Variants in KATNA1 observed in about 807,000 individuals in gnomAD.
KATNA1 encodes katanin p60 ATPase-containing subunit A1.
A neutral mutation model predicts 62.6 loss-of-function variants in KATNA1; 42 were observed. That is an observed-to-expected ratio of 0.67 (90% CI 0.52 to 0.87). KATNA1 has a LOEUF of 0.87. KATNA1 is among the 40% of genes least tolerant of loss of function. KATNA1 has a pLI of 0.00. For missense variants in KATNA1, 498 were observed against 612.5 expected (o/e 0.81, Z 1.97); for synonymous variants, 186 against 201.9 (o/e 0.92, Z 0.67).
intron 10 of KATNA1, among the ~76,000 whole-genome samples, chr6:149,595,820 T>C (rs1418357947): frequency 6.6e-6 from 1 of 152,222 alleles, no homozygotes; most frequent in Non-Finnish European, 1.5e-5. Flanking sequence ...ATGCTCACTT[T>C]AGAAAGGAGG....
At chr6:149,596,664 C>T (rs1778325896) in intron 10 of KATNA1, among the ~76,000 whole-genome samples, 1 of 152,048 alleles carries the variant, frequency 6.6e-6, no homozygotes, top group Non-Finnish European at 1.5e-5. Flanking sequence ...GCCTCAAACT[C>T]CTGGGCTCAA....
intron 4 of KATNA1, among the ~76,000 whole-genome samples, chr6:149,605,553 T>C (rs1263611901): frequency 6.6e-6 from 1 of 152,042 alleles, no homozygotes; most frequent in Non-Finnish European, 1.5e-5. Context: ...ATTCCTCTCA[T>C]CCTCTGTGAT....
intron 9 of KATNA1, 43 bp downstream of exon 9, chr6:149,597,464 A>C: frequency 1.2e-6 from 2 of 1,602,494 alleles, no homozygotes; most frequent in Non-Finnish European, 1.7e-6. Flanking sequence ...ACAAAACTAC[A>C]TGAAAGTTAA....
chr6:149,603,247 C>G (rs746299676), intron 6 of KATNA1, 21 bp downstream of exon 6: 2 of 998,356 alleles, frequency 2.0e-6, no homozygotes, highest in Admixed American at 4.4e-5. Flanking sequence ...TTTGACAATG[C>G]CATCACAGTA....
chr6:149,615,791 C>T (rs770426382), intron 4 of KATNA1, among the ~76,000 whole-genome samples: 2 of 152,018 alleles, frequency 1.3e-5, no homozygotes, highest in Non-Finnish European at 2.9e-5. Context: ...CAGTCAGACC[C>T]TGTCTCTAAA....
rs191499090 is a variant in KATNA1 at position 149,627,038 on chromosome 6, C to T, written c.321-3755G>A. Reference sequence around the variant, plus strand: ...ACCCTTACTGTCATAGACTTACATACGTGTGTGTGTATAAGCAGTGCATGA... The same window carrying T: ...ACCCTTACTGTCATAGACTTACATATGTGTGTGTGTATAAGCAGTGCATGA... On this transcript the variant is annotated intron_variant, in intron 3 of 10. Coordinates refer to ENST00000367411, the MANE Select transcript of KATNA1 (RefSeq NM_007044.4). 5.8e-4 allele frequency among the ~76,000 whole-genome samples: 88 copies of T among 151,770 alleles called. 3 individuals carry two copies. Among genetic ancestry groups the T allele is most frequent in the African/African-American group, 2.0e-3 (83 of 41,242 alleles).
intron 1 of KATNA1, among the ~76,000 whole-genome samples, chr6:149,647,521 CAAAAAAAA>C (rs10719474): frequency 4.3e-5 from 2 of 46,858 alleles, no homozygotes; most frequent in Non-Finnish European, 8.2e-5. Flanking sequence ...GACTCCGTCT[CAAAAAAAA>C]AAAAAAAAAA....
chr6:149,611,254 G>A (rs758017786), intron 4 of KATNA1, among the ~76,000 whole-genome samples: 6 of 151,988 alleles, frequency 3.9e-5, no homozygotes, highest in Non-Finnish European at 8.8e-5. Context: ...CTGAGATCAG[G>A]AGTTCGAGAC....
chr6:149,598,100 T>G, intron 8 of KATNA1, 124 bp downstream of exon 8: 2 of 1,041,358 alleles, frequency 1.9e-6, no homozygotes, highest in South Asian at 3.2e-5. Flanking sequence ...CTAGTCCATC[T>G]GAAGTTAAGA....
chr6:149,640,538 GT>G (rs1221983247), intron 1 of KATNA1, among the ~76,000 whole-genome samples: 1 of 151,722 alleles, frequency 6.6e-6, no homozygotes, highest in Admixed American at 6.6e-5. Flanking sequence ...GTTTTTTTGG[GT>G]TTTTTTGGGT....
chr6:149,645,934 A>G (rs1471010801), intron 1 of KATNA1, among the ~76,000 whole-genome samples: 2 of 152,184 alleles, frequency 1.3e-5, no homozygotes, highest in Non-Finnish European at 2.9e-5. Context: ...CTGAAAAAGA[A>G]CAGGCAAAAT....
Position 149,601,691 on chromosome 6 carries a change from G to C in KATNA1, c.791C>G (p.Thr264Arg). The C allele has an allele frequency of 6.2e-7, 1 of 1,612,674 alleles. No individual in the cohort carries two copies. Among genetic ancestry groups the C allele is most frequent in the South Asian group, 1.1e-5 (1 of 90,790 alleles). ...GKTLLAKAVA[T>R]ECKTTFFNVS... ...ATTGAAGAATGTTGTCTTGCATTCTGTAGCTACTGCTTTAGCAAGGAGCGT... is the reference window on the plus strand; with the variant it reads ...ATTGAAGAATGTTGTCTTGCATTCTCTAGCTACTGCTTTAGCAAGGAGCGT... Residue 264 changes from threonine to arginine, a missense_variant, in exon 7 of 11, where the codon ACA becomes AGA. Physicochemically the swap from Thr to Arg is moderately conservative, Grantham distance 71. This residue lies in a region of KATNA1 where 267 missense variants were observed against 372.6 expected (regional missense o/e 0.72). Coordinates refer to ENST00000367411, the MANE Select transcript of KATNA1 (RefSeq NM_007044.4).
intron 4 of KATNA1, among the ~76,000 whole-genome samples, chr6:149,622,762 G>A (rs1402598864): frequency 7.7e-6 from 1 of 130,586 alleles, no homozygotes; most frequent in African/African-American, 2.8e-5. Context: ...AGGCCTGGCA[G>A]GGGGGCGGGG....
chr6:149,623,323 A>C, intron 3 of KATNA1, 40 bp from the exon 4 acceptor site: 2 of 1,444,994 alleles, frequency 1.4e-6, no homozygotes, highest in Non-Finnish European at 1.9e-6. Context: ...AATCAACTCC[A>C]CATATGGATG....
intron 4 of KATNA1, among the ~76,000 whole-genome samples, chr6:149,617,970 T>TAAATAAATAAATAAA: frequency 1.7e-5 from 1 of 59,690 alleles, no homozygotes; most frequent in African/African-American, 9.5e-5. Flanking sequence ...AAATAAATAA[T>TAAATAAATAAATAAA]AAAATAAATA....
At chr6:149,636,921 C>T (rs1226750694) in intron 2 of KATNA1, among the ~76,000 whole-genome samples, 1 of 151,436 alleles carries the variant, frequency 6.6e-6, no homozygotes, top group Non-Finnish European at 1.5e-5. Context: ...GGATTACAGG[C>T]GTGAGCCACC....
At chr6:149,646,536 C>T (rs576389429) in intron 1 of KATNA1, among the ~76,000 whole-genome samples, 3 of 152,206 alleles carry the variant, frequency 2.0e-5, no homozygotes, top group East Asian at 1.9e-4. Context: ...CTGATGATTA[C>T]GAATAAGCAC....
chr6:149,632,415 A>G (rs547031809), intron 3 of KATNA1, among the ~76,000 whole-genome samples: 1 of 152,130 alleles, frequency 6.6e-6, no homozygotes, highest in East Asian at 1.9e-4. Flanking sequence ...GAGGCCTAAA[A>G]AGGTTTTATT....
intron 3 of KATNA1, among the ~76,000 whole-genome samples, chr6:149,627,770 C>A (rs1198117635): frequency 6.6e-6 from 1 of 151,464 alleles, no homozygotes; most frequent in Non-Finnish European, 1.5e-5. Context: ...GAGGTGACAA[C>A]TGAGTAGAGA....
Sources: gnomAD v4.1 joint callset for allele counts (sites outside exome capture counted in the v4.1 genomes callset) on GRCh38, gnomAD v4.1.1 for gene constraint, gnomAD v4.1.1 regional missense constraint, MANE v1.5 for transcripts, NCBI Gene and HGNC (gene_info 2026-07-23, HGNC 2026-07-21) for gene names.